RBFOX1: variants seen among roughly 807,000 people sequenced by gnomAD.
The protein encoded by RBFOX1 is RNA binding fox-1 homolog 1.
Under a neutral mutation model 57.7 loss-of-function variants are expected in RBFOX1, and 8 were observed. The observed-to-expected ratio is 0.14, with a 90% confidence interval of 0.08 to 0.25. RBFOX1 has a LOEUF of 0.25. RBFOX1 is among the 10% of genes least tolerant of loss of function. The pLI is 1.00. For synonymous variants in RBFOX1, 326 were observed against 222.4 expected, an observed-to-expected ratio of 1.47 and a Z score of -4.15; for missense variants, 611 against 548.5, an observed-to-expected ratio of 1.11 and a Z score of -1.14.
chr16:5,636,474 C>T (rs2048689691), intron 3 of RBFOX1, among the ~76,000 whole-genome samples: 1 of 152,170 alleles, frequency 6.6e-6, no homozygotes, highest in Non-Finnish European at 1.5e-5. Context: ...ATCTGAAGGA[C>T]TCCTCCCGCT....
At chr16:6,702,795 A>G (rs2062058452) in intron 3 of RBFOX1, among the ~76,000 whole-genome samples, 1 of 152,198 alleles carries the variant, frequency 6.6e-6, no homozygotes, top group Non-Finnish European at 1.5e-5. Flanking sequence ...GTACCACCTT[A>G]GCCATTTTAA....
intron 1 of RBFOX1, among the ~76,000 whole-genome samples, chr16:5,436,911 A>G (rs577257481): frequency 3.3e-5 from 5 of 152,250 alleles, no homozygotes; most frequent in African/African-American, 1.2e-4. Context: ...AGCCATGTCA[A>G]TATGTCAGTC....
At chr16:5,756,817 C>G (rs914733750) in intron 3 of RBFOX1, among the ~76,000 whole-genome samples, 1 of 152,154 alleles carries the variant, frequency 6.6e-6, no homozygotes, top group Non-Finnish European at 1.5e-5. Flanking sequence ...GAAAGGTGGA[C>G]TTCTCAATAA....
chr16:6,560,019 A>C (rs1245459014), intron 2 of RBFOX1, among the ~76,000 whole-genome samples: 1 of 152,132 alleles, frequency 6.6e-6, no homozygotes, highest in African/African-American at 2.4e-5. Flanking sequence ...GTTCCCGTAA[A>C]AATCACTTAC....
chr16:5,759,342 C>T (rs575291418), intron 3 of RBFOX1, among the ~76,000 whole-genome samples: 3 of 152,288 alleles, frequency 2.0e-5, no homozygotes, highest in African/African-American at 7.2e-5. Context: ...AGATGTATCT[C>T]TGTTCTGATG....
At chr16:6,193,327 A>G (rs1164342259) in intron 1 of RBFOX1, among the ~76,000 whole-genome samples, 3 of 125,220 alleles carry the variant, frequency 2.4e-5, no homozygotes, top group Non-Finnish European at 3.5e-5. Context: ...ACACAGCCCC[A>G]GTGTCCATAT....
chr16:5,437,888 T>C (rs1459457745), intron 1 of RBFOX1, among the ~76,000 whole-genome samples: 1 of 152,198 alleles, frequency 6.6e-6, no homozygotes, highest in Admixed American at 6.5e-5. Flanking sequence ...ATAAGACATA[T>C]CGTTGTTGAT....
At chr16:7,050,589 T>G (rs1013245861) in intron 3 of RBFOX1, among the ~76,000 whole-genome samples, 1 of 152,168 alleles carries the variant, frequency 6.6e-6, no homozygotes, top group African/African-American at 2.4e-5. Context: ...TTTAATGATC[T>G]GTTTCACTGT....
intron 4 of RBFOX1, among the ~76,000 whole-genome samples, chr16:7,270,952 G>A (rs956150592): frequency 6.6e-6 from 1 of 152,132 alleles, no homozygotes; most frequent in African/African-American, 2.4e-5. Context: ...TTACGGTGGG[G>A]CTGGGTGCTG....
At chr16:7,545,018 C>T (rs372725504) in intron 5 of RBFOX1, among the ~76,000 whole-genome samples, 2 of 152,094 alleles carry the variant, frequency 1.3e-5, no homozygotes, top group Admixed American at 6.5e-5. Flanking sequence ...AGGACTAAGC[C>T]GAGCAGTACA....
chr16:6,913,170 T>C (rs189512306), intron 3 of RBFOX1, among the ~76,000 whole-genome samples: 20 of 152,296 alleles, frequency 1.3e-4, no homozygotes, highest in African/African-American at 4.3e-4. Flanking sequence ...TTTTTTGTTT[T>C]TCCTGTGGGT....
intron 3 of RBFOX1, among the ~76,000 whole-genome samples, chr16:6,926,446 C>G (rs779329006): frequency 2.0e-5 from 3 of 152,132 alleles, no homozygotes; most frequent in Admixed American, 6.5e-5. Context: ...GCCTCCTGAT[C>G]GGTGTTCAGA....
chr16:7,066,999 A>G (rs1238282885), intron 4 of RBFOX1, among the ~76,000 whole-genome samples: 3 of 152,206 alleles, frequency 2.0e-5, no homozygotes, highest in African/African-American at 7.2e-5. Flanking sequence ...TATGCTCCTA[A>G]CAAACAGTAA....
intron 2 of RBFOX1, among the ~76,000 whole-genome samples, chr16:5,568,292 T>C (rs548714081): frequency 6.6e-6 from 1 of 152,282 alleles, no homozygotes; most frequent in African/African-American, 2.4e-5. Context: ...GCCCAAGCTG[T>C]GTATTCCCTG....
intron 1 of RBFOX1, among the ~76,000 whole-genome samples, chr16:6,284,381 T>C (rs2076688726): frequency 6.6e-6 from 1 of 152,136 alleles, no homozygotes; most frequent in Non-Finnish European, 1.5e-5. Context: ...TGCCGATATT[T>C]GAAAGAGTCA....
At chr16:7,448,844 G>A (rs10220945) in intron 4 of RBFOX1, among the ~76,000 whole-genome samples, 73,724 of 151,112 alleles carry the variant, frequency 0.49, 18,212 homozygotes, top group South Asian at 0.61. Context: ...ACTTTAATCC[G>A]GTATAATCTC....
chr16:7,382,155 C>G (rs1381059328), intron 4 of RBFOX1, among the ~76,000 whole-genome samples: 5 of 152,094 alleles, frequency 3.3e-5, no homozygotes, highest in African/African-American at 1.2e-4. Flanking sequence ...TTTTTTATTT[C>G]AAGTGACAAA....
At chr16:6,765,707 C>A (rs1302141850) in intron 3 of RBFOX1, among the ~76,000 whole-genome samples, 1 of 152,136 alleles carries the variant, frequency 6.6e-6, no homozygotes, top group East Asian at 1.9e-4. Context: ...TAACACAATT[C>A]ACAATTGCAA....
At chr16:7,701,590 C>T (rs190539087) in intron 14 of RBFOX1, among the ~76,000 whole-genome samples, 41 of 152,266 alleles carry the variant, frequency 2.7e-4, no homozygotes, top group African/African-American at 8.9e-4. Context: ...CCAAGAAGGC[C>T]AGGGACTTCT....
Sources: gnomAD v4.1 joint callset for allele counts (sites outside exome capture counted in the v4.1 genomes callset) on GRCh38, gnomAD v4.1.1 for gene constraint, MANE v1.5 for transcripts, NCBI Gene and HGNC (gene_info 2026-07-23, HGNC 2026-07-21) for gene names.